SEZ6L: variants seen among roughly 807,000 people sequenced by gnomAD.
SEZ6L encodes the protein seizure related 6 homolog like, also known as seizure 6-like protein.
Under a neutral mutation model 106.2 loss-of-function variants are expected in SEZ6L, and 37 were observed. That is an observed-to-expected ratio of 0.35 (90% CI 0.27 to 0.46). SEZ6L has a LOEUF of 0.46. Among genes scored for constraint, SEZ6L ranks in the 20% least tolerant of loss-of-function variants. The pLI is 1.00. For synonymous variants in SEZ6L, 541 were observed against 570.4 expected (o/e 0.95, Z 0.73); for missense variants, 1,172 against 1,332.8 (o/e 0.88, Z 1.88).
At chr22:26,377,808 C>T (rs754701808) in intron 16 of SEZ6L, 33 bp downstream of exon 16, 3 of 1,442,234 alleles carry the variant, frequency 2.1e-6, no homozygotes, top group South Asian at 2.3e-5. Flanking sequence ...TTCCCAATTC[C>T]CTCCCTCTTT....
chr22:26,183,952 A>G (rs947553396), intron 1 of SEZ6L, among the ~76,000 whole-genome samples: 3 of 152,152 alleles, frequency 2.0e-5, no homozygotes, highest in African/African-American at 7.2e-5. Context: ...GATATCCATT[A>G]TTGCATTTGA....
intron 7 of SEZ6L, 55 bp downstream of exon 7, chr22:26,310,891 G>A (rs976266894): frequency 6.4e-7 from 1 of 1,555,612 alleles, no homozygotes; most frequent in Non-Finnish European, 8.8e-7. Context: ...TAGCCTGGGA[G>A]CAGGGAAAGC....
chr22:26,235,479 A>G (rs145616571), intron 1 of SEZ6L, among the ~76,000 whole-genome samples: 156 of 152,288 alleles, frequency 1.0e-3, no homozygotes, highest in Non-Finnish European at 2.1e-3. Context: ...CTGCCCTCAG[A>G]GTTGCCTGGC....
intron 1 of SEZ6L, among the ~76,000 whole-genome samples, chr22:26,218,226 AGTTTTGTTTGTTT>A: frequency 6.6e-6 from 1 of 152,028 alleles, no homozygotes; most frequent in East Asian, 1.9e-4. Flanking sequence ...CTGAACCACT[AGTTTTGTTTGTTT>A]GTTTTGTTTT....
chr22:26,332,647 T>C (rs1444141103), intron 9 of SEZ6L, among the ~76,000 whole-genome samples: 1 of 151,024 alleles, frequency 6.6e-6, no homozygotes, highest in African/African-American at 2.4e-5. Flanking sequence ...GGGGTTTCAC[T>C]ATATTGCCCA....
chr22:26,284,953 T>C (rs1033918081), intron 1 of SEZ6L, among the ~76,000 whole-genome samples: 8 of 152,158 alleles, frequency 5.3e-5, no homozygotes, highest in African/African-American at 1.9e-4. Flanking sequence ...ATGTCAACTT[T>C]ACAGTATTGT....
At chr22:26,239,781 A>G (rs1420336760) in intron 1 of SEZ6L, among the ~76,000 whole-genome samples, 3 of 152,018 alleles carry the variant, frequency 2.0e-5, no homozygotes, top group Non-Finnish European at 4.4e-5. Flanking sequence ...TTCACTTTCC[A>G]TGCTGGCCAA....
chr22:26,316,163 C>A lies in SEZ6L; in HGVS notation c.2015+2261C>A, dbSNP rs75576705. ...TAAGATGCTTATTCATTCATTCCAA[C>A]CGAACTGTTTGAGTGTCTACTATCA... is the stretch of plus-strand genomic sequence containing the variant. On this transcript the variant is annotated intron_variant, in intron 9 of 16. Transcript: ENST00000248933. Among the ~76,000 whole-genome samples the A allele has an allele frequency of 6.5e-3, 988 of 152,318 alleles. 20 individuals carry two copies. Among genetic ancestry groups the A allele is most frequent in the East Asian group, 0.058 (303 of 5,182 alleles).
intron 1 of SEZ6L, among the ~76,000 whole-genome samples, chr22:26,283,823 G>A (rs1304972843): frequency 1.3e-5 from 2 of 152,122 alleles, no homozygotes; most frequent in Non-Finnish European, 2.9e-5. Flanking sequence ...TATGGGGGAG[G>A]AAAGGCAGGG....
At chr22:26,273,508 T>A (rs1362710439) in intron 1 of SEZ6L, among the ~76,000 whole-genome samples, 1 of 152,262 alleles carries the variant, frequency 6.6e-6, no homozygotes, top group Non-Finnish European at 1.5e-5. Flanking sequence ...TTGTTCTTGT[T>A]GGCTGCGAGA....
intron 1 of SEZ6L, among the ~76,000 whole-genome samples, chr22:26,263,445 G>A (rs907400816): frequency 2.0e-5 from 3 of 152,214 alleles, no homozygotes; most frequent in Non-Finnish European, 2.9e-5. Flanking sequence ...GTAAAATAAA[G>A]CATCCAAGGT....
intron 1 of SEZ6L, among the ~76,000 whole-genome samples, chr22:26,213,261 T>C (rs189609950): frequency 3.3e-5 from 5 of 152,308 alleles, no homozygotes; most frequent in Non-Finnish European, 7.4e-5. Flanking sequence ...CAATTCCACA[T>C]GAGAGCATTA....
In SEZ6L at chr22:26,365,522, T is replaced by G; in HGVS notation, c.2750T>G (p.Leu917Arg). The part of the protein sequence containing the change: ...LMGEVTIRCI[L>R]GQPSHWNGPL... ...GGTGAAGTGACCATCCGCTGCATCCTGGGACAGCCATCCCACTGGAACGGG... is the reference window on the plus strand; with the variant it reads ...GGTGAAGTGACCATCCGCTGCATCCGGGGACAGCCATCCCACTGGAACGGG... The change falls in exon 13 of 17, where the codon CTG (leucine) becomes CGG (arginine). Residue 917 changes from leucine to arginine, a missense_variant. Transcript: ENST00000248933. 1 of 1,614,146 alleles carries G rather than the reference T, an allele frequency of 6.2e-7. No individual in the cohort carries two copies. The highest frequency in any genetic ancestry group is 8.5e-7 in the Non-Finnish European group (1 of 1,179,996).
chr22:26,205,177 G>T (rs1239249368), intron 1 of SEZ6L, among the ~76,000 whole-genome samples: 1 of 152,232 alleles, frequency 6.6e-6, no homozygotes, highest in South Asian at 2.1e-4. Context: ...TTCAAGAATA[G>T]GGATGCCTGT....
intron 1 of SEZ6L, among the ~76,000 whole-genome samples, chr22:26,219,228 T>C (rs2078385257): frequency 1.4e-5 from 2 of 146,124 alleles, no homozygotes; most frequent in Non-Finnish European, 3.0e-5. Context: ...TCCCAGTTGG[T>C]CATAGAAGAT....
intron 1 of SEZ6L, among the ~76,000 whole-genome samples, chr22:26,234,458 T>A (rs1324897815): frequency 6.6e-6 from 1 of 152,234 alleles, no homozygotes; most frequent in East Asian, 1.9e-4. Context: ...AGACCTTTTT[T>A]TTCCTTTCTA....
chr22:26,379,252 C>A (rs2084333998), intron 16 of SEZ6L, among the ~76,000 whole-genome samples: 1 of 152,206 alleles, frequency 6.6e-6, no homozygotes, highest in Non-Finnish European at 1.5e-5. Context: ...TCAGAGCCAG[C>A]AACAGAGAGA....
intron 1 of SEZ6L, among the ~76,000 whole-genome samples, chr22:26,289,776 A>T (rs2081051051): frequency 6.6e-6 from 1 of 152,214 alleles, no homozygotes; most frequent in Non-Finnish European, 1.5e-5. Context: ...CGACTGCTGA[A>T]ATAAATTTAA....
chr22:26,250,708 A>G (rs1355981533), intron 1 of SEZ6L, among the ~76,000 whole-genome samples: 2 of 152,098 alleles, frequency 1.3e-5, no homozygotes, highest in Non-Finnish European at 1.5e-5. Context: ...TGTCATTGGT[A>G]TTTTATAGGG....
Sources: allele counts gnomAD v4.1 joint callset (sites outside exome capture counted in the v4.1 genomes callset), GRCh38; gene constraint gnomAD v4.1.1; transcripts MANE v1.5; gene names NCBI Gene and HGNC (gene_info 2026-07-23, HGNC 2026-07-21).